The following RIPOR2 variants were observed in gnomAD, a reference collection of about 807,000 sequenced individuals.
RIPOR2 encodes rho family-interacting cell polarization regulator 2.
A neutral mutation model predicts 114.5 loss-of-function variants in RIPOR2; 39 were observed. The ratio of observed to expected loss-of-function variants is 0.34; its 90% CI spans 0.26 to 0.44. The LOEUF (loss-of-function observed/expected upper bound fraction) is 0.44, where lower values mean the gene tolerates loss of function less well. Among genes scored for constraint, RIPOR2 ranks in the 20% least tolerant of loss-of-function variants. The probability of loss-of-function intolerance (pLI) is 1.00; values close to 1 mark genes in which losing one functional copy is unlikely to be tolerated. For synonymous variants in RIPOR2, 445 were observed against 484.4 expected, an observed-to-expected ratio of 0.92 and a Z score of 1.07; for missense variants, 1,007 against 1,255.1, an observed-to-expected ratio of 0.80 and a Z score of 2.99.
intron 1 of RIPOR2, among the ~76,000 whole-genome samples, chr6:24,989,620 T>A (rs910048401): frequency 6.6e-6 from 1 of 152,124 alleles, no homozygotes; most frequent in African/African-American, 2.4e-5. Flanking sequence ...AATTATAAGA[T>A]TTATAAAATG....
chr6:24,959,556 G>A (rs1041569362), intron 1 of RIPOR2, among the ~76,000 whole-genome samples: 4 of 152,046 alleles, frequency 2.6e-5, no homozygotes, highest in Non-Finnish European at 4.4e-5. Context: ...AAAGACAGCT[G>A]CAGGCTGTTG....
chr6:24,901,020 A>T (rs1434531313), intron 1 of RIPOR2, among the ~76,000 whole-genome samples: 3 of 152,112 alleles, frequency 2.0e-5, no homozygotes, highest in Non-Finnish European at 4.4e-5. Context: ...GATGGCTTCA[A>T]ACTCCTCTTG....
At position 24,840,610 on chromosome 6, in the gene RIPOR2, G is replaced by T. The variant is rs575569499; in HGVS notation, c.1858-1338C>A. On this transcript the variant is annotated intron_variant, in intron 13 of 21. Coordinates refer to ENST00000643898, the MANE Select transcript of RIPOR2 (RefSeq NM_001286445.3). ...CTCCTTGCTGATTTCTTAGCGCAAG[G>T]TAGGAAGGGCCTTGCAGGGATCTGT... The T allele has an allele frequency of 2.0e-6, 3 of 1,518,024 alleles. No individual in the cohort carries two copies. In the East Asian group the frequency reaches 7.4e-5, roughly 37 times the overall value. The allele number at this position is 1,518,024 out of a possible 1,614,324, so 94.0% of individuals were successfully genotyped here. A position where few individuals can be genotyped will look rare whatever the true frequency, so the allele number is the denominator to read the frequency against.
chr6:24,849,486 T>C (rs1762642375), intron 11 of RIPOR2, among the ~76,000 whole-genome samples: 1 of 152,180 alleles, frequency 6.6e-6, no homozygotes, highest in Admixed American at 6.5e-5. Flanking sequence ...TGAGAGGACA[T>C]ATGCCCTTAT....
rs972486179 is a variant in RIPOR2 at position 24,982,516 on chromosome 6, A to G, written c.76+59335T>C. 1.8e-4 allele frequency among the ~76,000 whole-genome samples: 28 copies of G among 152,338 alleles called. 4 individuals are homozygous for G. The highest frequency in any genetic ancestry group is 1.8e-3 in the Admixed American group (27 of 15,302). ...AATTACATATTTCTGAGGACAAGTG[A>G]GCTTATCACTTATTCAGGCACCAAA... On this transcript the variant is annotated intron_variant, in intron 1 of 13. Transcript: ENST00000510784.
Position 24,825,385 on chromosome 6 carries a change from C to G in RIPOR2, c.2709G>C (p.Leu903=), listed in dbSNP as rs751511906. 6.4e-7 allele frequency: 1 copy of G among 1,552,174 alleles called. No homozygotes were observed. ...GAGCAAGGTCACTCATGGTTTGTAG[C>G]AGTTTTTCATCTCTTAGTGATTGCA... ...QTLQSLRDEK[L]LQTMSDLAPS... is the part of the protein sequence containing the mutation. Residue 903 remains leucine (L), a synonymous_variant, in exon 19 of 22, where the codon CTG becomes CTC. Transcript: ENST00000643898.
intron 1 of RIPOR2, among the ~76,000 whole-genome samples, chr6:24,958,292 A>T (rs1237445922): frequency 6.6e-6 from 1 of 152,202 alleles, no homozygotes; most frequent in Non-Finnish European, 1.5e-5. Context: ...ACCTTAATTG[A>T]AAATGATCTA....
chr6:24,911,524 G>C (rs1769600940), intron 1 of RIPOR2, among the ~76,000 whole-genome samples: 1 of 152,236 alleles, frequency 6.6e-6, no homozygotes, highest in African/African-American at 2.4e-5. Context: ...GGCAAGGGTT[G>C]TGCTGGAAAG....
chr6:25,008,608 CT>C (rs1775652386), intron 1 of RIPOR2, among the ~76,000 whole-genome samples: 1 of 152,222 alleles, frequency 6.6e-6, no homozygotes. Flanking sequence ...TAAAATTACA[CT>C]GTTTTAAGCC....
chr6:24,871,607 C>T (rs1765181640), intron 4 of RIPOR2, among the ~76,000 whole-genome samples: 1 of 152,244 alleles, frequency 6.6e-6, no homozygotes. Flanking sequence ...CCGCCTCAGC[C>T]TCCCAAAGTG....
chr6:24,868,728 C>T (rs977702351), intron 6 of RIPOR2, among the ~76,000 whole-genome samples: 2 of 152,156 alleles, frequency 1.3e-5, no homozygotes, highest in African/African-American at 4.8e-5. Context: ...GTTTACGGGG[C>T]ACCAAGTGTT....
chr6:24,904,886 T>C (rs1768809774), intron 1 of RIPOR2, among the ~76,000 whole-genome samples: 1 of 152,184 alleles, frequency 6.6e-6, no homozygotes. Flanking sequence ...ATGATTCTCC[T>C]ACTTCAGCCT....
chr6:24,997,281 A>T (rs1775088696), intron 1 of RIPOR2, among the ~76,000 whole-genome samples: 1 of 152,186 alleles, frequency 6.6e-6, no homozygotes, highest in African/African-American at 2.4e-5. Context: ...TAGTTAATTT[A>T]AAAAACCTTT....
At chr6:25,029,403 T>A (rs1207233369) in intron 1 of RIPOR2, among the ~76,000 whole-genome samples, 1 of 25,150 alleles carries the variant, frequency 4.0e-5, no homozygotes, top group Non-Finnish European at 8.9e-5. Context: ...AGACTCCGTC[T>A]CAAAAAAGAA....
intron 8 of RIPOR2, among the ~76,000 whole-genome samples, chr6:24,857,425 C>A (rs775761843): frequency 1.3e-5 from 2 of 152,096 alleles, no homozygotes; most frequent in South Asian, 4.1e-4. Context: ...TGTTTCACGG[C>A]GCTCACATAT....
intron 1 of RIPOR2, among the ~76,000 whole-genome samples, chr6:24,930,702 TA>T (rs1771321535): frequency 6.6e-6 from 1 of 152,166 alleles, no homozygotes; most frequent in Non-Finnish European, 1.5e-5. Flanking sequence ...ACAAATAAAG[TA>T]GGGAAAGTGA....
intron 1 of RIPOR2, among the ~76,000 whole-genome samples, chr6:24,955,988 C>T (rs376991139): frequency 2.2e-5 from 3 of 134,808 alleles, no homozygotes. Context: ...CCAGCCTGGG[C>T]GACAGAGTGA....
At chr6:24,936,397 T>G (rs1449831817), upstream of RIPOR2, among the ~76,000 whole-genome samples, 1 of 152,230 alleles carries the variant, frequency 6.6e-6, no homozygotes, top group African/African-American at 2.4e-5. Flanking sequence ...AGGACAGAGC[T>G]TTTATTTTGC....
chr6:24,969,837 T>G (rs930850786), intron 1 of RIPOR2, among the ~76,000 whole-genome samples: 5 of 152,142 alleles, frequency 3.3e-5, no homozygotes, highest in Non-Finnish European at 5.9e-5. Context: ...GATCCTAACC[T>G]GGCTGGCACC....
Sources: gnomAD v4.1 joint callset for allele counts (sites outside exome capture counted in the v4.1 genomes callset) on GRCh38, gnomAD v4.1.1 for gene constraint, MANE v1.5 for transcripts, NCBI Gene and HGNC (gene_info 2026-07-23, HGNC 2026-07-21) for gene names.